Variants in MYOM3 observed in about 807,000 individuals in gnomAD.
MYOM3 encodes the protein myomesin 3, also known as myomesin-3.
A neutral mutation model predicts 191.7 loss-of-function variants in MYOM3; 155 were observed. That is an observed-to-expected ratio of 0.81 (90% CI 0.71 to 0.92). MYOM3 has a LOEUF of 0.92. MYOM3 is among the 40% of genes least tolerant of loss of function. The pLI is 0.00. For missense variants in MYOM3, 1,889 were observed against 1,890.6 expected (o/e 1.00, Z 0.02); for synonymous variants, 757 against 762.9 (o/e 0.99, Z 0.13).
At chr1:24,095,336 C>A (rs144597337) in intron 8 of MYOM3, 106 bp downstream of exon 8, 1 of 1,125,308 alleles carries the variant, frequency 8.9e-7, no homozygotes, top group Non-Finnish European at 1.3e-6. Context: ...CGGTGGACGT[C>A]CTTTTATGGG....
chr1:24,109,952 C>T (rs1016887645), intron 1 of MYOM3, among the ~76,000 whole-genome samples: 1 of 152,230 alleles, frequency 6.6e-6, no homozygotes, highest in Admixed American at 6.5e-5. Context: ...CCCGTGATGG[C>T]GCCCAGTGGG....
In MYOM3 at chr1:24,063,149, G is replaced by A. The variant is rs74061455; in HGVS notation, c.3747C>T (p.Tyr1249=). 1 of 1,612,342 alleles carries A rather than the reference G, an allele frequency of 6.2e-7. No individual in the cohort carries two copies. Among genetic ancestry groups the A allele is most frequent in the African/African-American group, 1.3e-5 (1 of 74,998 alleles). The change falls in exon 32 of 37, where the codon TAC becomes TAT. Residue 1249 remains tyrosine (Y), a synonymous_variant. Coordinates refer to ENST00000374434, the MANE Select transcript of MYOM3 (RefSeq NM_152372.4). This position sits in a 1 kb window ranked among gnomAD's most constrained non-coding sequence, Gnocchi z 4.5. ...ACTTGTGGAACCAGGTGGTTTTCAT[G>A]TACTCCACGTTGTAGTACTTGACCT... The part of the protein sequence containing the change: ...FSKVKYYNVE[Y]MKTTWFHKDK...
chr1:24,062,073 C>T lies in MYOM3; in HGVS notation c.3807G>A (p.Thr1269=), dbSNP rs927258771. The T allele has an allele frequency of 4.4e-5, 71 of 1,614,006 alleles. No homozygotes were observed. In the Middle Eastern group the frequency reaches 4.9e-4, roughly 11 times the overall value. Residue 1269 remains threonine, a synonymous_variant, in exon 33 of 37, where the codon ACG becomes ACA. Coordinates refer to ENST00000374434, the MANE Select transcript of MYOM3 (RefSeq NM_152372.4). ...KRLESGDRIR[T]GTTLDEIWLH... ...GCCAGATCTCATCCAGGGTGGTGCCCGTCCTTATCCGATCACCACTCTCCA... is the reference window on the plus strand; with the variant it reads ...GCCAGATCTCATCCAGGGTGGTGCCTGTCCTTATCCGATCACCACTCTCCA...
In MYOM3 at chr1:24,099,775, C is replaced by T; in HGVS notation, c.561G>A (p.Trp187Ter). ...GATCAATCCGTGTGTCATTTTTGTA[C>T]CTGTGGGGACATAGCGGTCTGTGGC... ...VQASPPPQVT[W>*]YKNDTRIDPR... The change falls in exon 6 of 37, where the codon TGG (tryptophan) becomes TGA (stop). Residue 187 changes from tryptophan (W) to a stop codon, truncating the protein, a stop_gained and splice_region_variant. Coordinates refer to ENST00000374434, the MANE Select transcript of MYOM3 (RefSeq NM_152372.4). LOFTEE classifies it high-confidence loss of function. The T allele has an allele frequency of 2.5e-6, 4 of 1,613,374 alleles. No individual in the cohort carries two copies. The highest frequency in any genetic ancestry group is 3.4e-6 in the Non-Finnish European group (4 of 1,179,398).
intron 4 of MYOM3, 31 bp downstream of exon 4, chr1:24,107,042 G>A (rs761053189): frequency 8.2e-6 from 13 of 1,579,216 alleles, no homozygotes; most frequent in Non-Finnish European, 1.1e-5. Context: ...GCAGGTCCCA[G>A]GCCCTGGGGC....
At chr1:24,108,358 AG>A in intron 2 of MYOM3, 117 bp downstream of exon 2, 1 of 1,137,670 alleles carries the variant, frequency 8.8e-7, no homozygotes, top group East Asian at 2.7e-5. Context: ...TTCAGAAAGC[AG>A]GGATGTCCCT....
At position 24,063,992 on chromosome 1, in the gene MYOM3, T is replaced by A; in HGVS notation, c.3622+80A>T. On this transcript the variant is annotated intron_variant, in intron 30 of 36. Transcript: ENST00000374434. This position sits in a 1 kb window ranked among gnomAD's most constrained non-coding sequence, Gnocchi z 4.5. ...TTCTCCAAGTGACATGGGGATCCCA[T>A]AAATCTTACTGCACAGATCACATCA... 9.4e-7 allele frequency: 1 copy of A among 1,067,628 alleles called. No homozygotes were observed. The highest frequency in any genetic ancestry group is 1.4e-5 in the South Asian group (1 of 70,758). The allele number at this position is 1,067,628 out of a possible 1,614,324, so 66.1% of individuals were successfully genotyped here.
Position 24,075,332 on chromosome 1 carries a change from C to A in MYOM3, c.2845G>T (p.Asp949Tyr), listed in dbSNP as rs767702985. The A allele has an allele frequency of 3.1e-6, 5 of 1,612,440 alleles. No homozygotes were observed. Among genetic ancestry groups the A allele is most frequent in the Non-Finnish European group, 4.2e-6 (5 of 1,179,942 alleles). Reference sequence around the variant, plus strand: ...CGCCTCACTTACTTGTTAACTTTATCCTCGATCTTGACCCTCTGGGGGTCC... The same window carrying A: ...CGCCTCACTTACTTGTTAACTTTATACTCGATCTTGACCCTCTGGGGGTCC... ...PLDPQRVKIEDKVNKSKVILK... is the reference protein window; with the variant it reads ...PLDPQRVKIEYKVNKSKVILK... The change falls in exon 22 of 37, where the codon GAT becomes TAT. Residue 949 changes from aspartate to tyrosine, a missense_variant. Asp to Tyr is a radical substitution (Grantham distance 160). Transcript: ENST00000374434.
chr1:24,072,485 A>C (rs1258462886), intron 23 of MYOM3, among the ~76,000 whole-genome samples: 2 of 151,908 alleles, frequency 1.3e-5, no homozygotes, highest in Non-Finnish European at 2.9e-5. Context: ...CAGAAGTCTC[A>C]GACTGTTCTA....
At chr1:24,093,156 C>T (rs1048714511) in intron 9 of MYOM3, 48 bp from the exon 10 acceptor site, 1 of 1,429,886 alleles carries the variant, frequency 7.0e-7, no homozygotes, top group African/African-American at 1.4e-5. Context: ...GGGTCCTGGT[C>T]TCACCTGGGA....
chr1:24,109,341 A>T (rs1182428630), intron 1 of MYOM3, among the ~76,000 whole-genome samples: 2 of 152,052 alleles, frequency 1.3e-5, no homozygotes, highest in Non-Finnish European at 2.9e-5. Flanking sequence ...GGGTCTACTA[A>T]CCTCCCAGGG....
intron 4 of MYOM3, 88 bp downstream of exon 4, chr1:24,106,985 G>T: frequency 7.4e-7 from 1 of 1,343,626 alleles, no homozygotes; most frequent in Non-Finnish European, 1.0e-6. Flanking sequence ...TGCCCTGGAT[G>T]TCCCGCCTCT....
chr1:24,090,379 G>A (rs116514066), intron 12 of MYOM3, among the ~76,000 whole-genome samples: 1,667 of 152,252 alleles, frequency 0.011, 30 homozygotes, highest in African/African-American at 0.038. Context: ...GGTGCCTGGC[G>A]CTGGGCACCC....
In MYOM3 at chr1:24,076,507, C is replaced by CTTTT. The variant is rs558326490; in HGVS notation, c.2587-238_2587-235dup. Among the ~76,000 whole-genome samples the CTTTT allele has an allele frequency of 3.9e-3, 192 of 49,098 alleles. 4 individuals carry two copies. The highest frequency in any genetic ancestry group is 4.9e-3 in the East Asian group (6 of 1,224). 32.2% of individuals were successfully genotyped at this position (49,098 alleles called of 152,430 possible). A position where few individuals can be genotyped will look rare whatever the true frequency, so the allele number is the denominator to read the frequency against. On this transcript the variant is annotated intron_variant, in intron 20 of 36. Coordinates refer to ENST00000374434, the MANE Select transcript of MYOM3 (RefSeq NM_152372.4). ...CATCTGTTTTATTTCCCTAATGTTTCTTTTTTTTTTTTTTTTTTTTTTTTG... is the reference window on the plus strand; with the variant it reads ...CATCTGTTTTATTTCCCTAATGTTTCTTTTTTTTTTTTTTTTTTTTTTTTTTTTG...
intron 16 of MYOM3, chr1:24,084,134 G>A (rs1557609687): frequency 7.2e-6 from 2 of 278,344 alleles, no homozygotes; most frequent in Non-Finnish European, 1.4e-5. Flanking sequence ...GAGGGACCTC[G>A]TGGGAGGAGA....
At chr1:24,085,387 T>C (rs941715439) in intron 15 of MYOM3, among the ~76,000 whole-genome samples, 2 of 152,192 alleles carry the variant, frequency 1.3e-5, no homozygotes, top group Admixed American at 1.3e-4. Flanking sequence ...GATGGATAGA[T>C]GGACTGATGG....
Position 24,090,781 on chromosome 1 carries a change from G to A in MYOM3, c.1432+16C>T. On this transcript the variant is annotated intron_variant, in intron 12 of 36. Coordinates refer to ENST00000374434, the MANE Select transcript of MYOM3 (RefSeq NM_152372.4). ...GACTGATGTTCTAGAAAGTCGCTTA[G>A]GACCTCTGTACCCACCTGTCTTCCT... The A allele has an allele frequency of 6.2e-7, 1 of 1,613,344 alleles. No homozygotes were observed. The highest frequency in any genetic ancestry group is 8.5e-7 in the Non-Finnish European group (1 of 1,179,466).
chr1:24,101,300 G>A (rs991073681), intron 5 of MYOM3, among the ~76,000 whole-genome samples: 3 of 152,134 alleles, frequency 2.0e-5, no homozygotes, highest in Non-Finnish European at 4.4e-5. Flanking sequence ...CAGACGTTTA[G>A]ATGGAAGAAA....
chr1:24,090,524 C>T (rs1468874915), intron 12 of MYOM3, among the ~76,000 whole-genome samples: 1 of 152,174 alleles, frequency 6.6e-6, no homozygotes, highest in Non-Finnish European at 1.5e-5. Flanking sequence ...TGGTCTCTCC[C>T]ATGGACAGGT....
Sources: gnomAD v4.1 joint callset for allele counts (sites outside exome capture counted in the v4.1 genomes callset) on GRCh38, gnomAD v4.1.1 for gene constraint, Gnocchi (gnomAD v3.1) non-coding constraint, MANE v1.5 for transcripts, NCBI Gene and HGNC (gene_info 2026-07-23, HGNC 2026-07-21) for gene names.